COX7B2: variants seen among roughly 807,000 people sequenced by gnomAD.
COX7B2 encodes the protein cytochrome c oxidase subunit 7B2, also known as cytochrome c oxidase subunit 7B2, mitochondrial.
For missense variants in COX7B2, 109 were observed against 95.9 expected, an observed-to-expected ratio of 1.14 and a Z score of -0.57; for synonymous variants, 37 against 32.1, an observed-to-expected ratio of 1.15 and a Z score of -0.51.
At chr4:46,904,763 G>A (rs1019027495) in intron 1 of COX7B2, among the ~76,000 whole-genome samples, 5 of 152,018 alleles carry the variant, frequency 3.3e-5, no homozygotes, top group African/African-American at 1.2e-4. Flanking sequence ...TCCATGCAAC[G>A]AGGAAAAGTT....
intron 2 of COX7B2, among the ~76,000 whole-genome samples, chr4:46,832,379 C>T (rs1239990085): frequency 1.3e-5 from 2 of 152,154 alleles, no homozygotes; most frequent in Admixed American, 6.5e-5. Context: ...CAGCTTCATT[C>T]TTAAAGTCAG....
chr4:46,810,414 TTTTATC>T (rs1050887475), intron 2 of COX7B2, among the ~76,000 whole-genome samples: 3 of 152,078 alleles, frequency 2.0e-5, no homozygotes, highest in African/African-American at 7.2e-5. Context: ...CTTTTGTTTC[TTTTATC>T]TTTATCATTA....
chr4:46,811,275 C>A (rs1719271576), intron 2 of COX7B2, among the ~76,000 whole-genome samples: 1 of 151,506 alleles, frequency 6.6e-6, no homozygotes, highest in Non-Finnish European at 1.5e-5. Flanking sequence ...TTTTTGGGGA[C>A]TCCAATAATC....
At chr4:46,885,093 G>A (rs191137459) in intron 1 of COX7B2, among the ~76,000 whole-genome samples, 122 of 151,800 alleles carry the variant, frequency 8.0e-4, no homozygotes, top group East Asian at 2.5e-3. Context: ...GCTAATTTAG[G>A]ATATATTGCC....
chr4:46,899,389 C>T (rs1719951582), intron 1 of COX7B2, among the ~76,000 whole-genome samples: 1 of 152,168 alleles, frequency 6.6e-6, no homozygotes, highest in Non-Finnish European at 1.5e-5. Context: ...CATCTCCTAA[C>T]TAGTGAGTTT....
At chr4:46,832,904 CT>C (rs370738031) in intron 2 of COX7B2, among the ~76,000 whole-genome samples, 126 of 147,112 alleles carry the variant, frequency 8.6e-4, no homozygotes, top group South Asian at 1.3e-3. Flanking sequence ...AACTGTGAGC[CT>C]TTTTTTTTTT....
chr4:46,874,480 G>A (rs1297014912), intron 1 of COX7B2, among the ~76,000 whole-genome samples: 1 of 152,122 alleles, frequency 6.6e-6, no homozygotes, highest in South Asian at 2.1e-4. Flanking sequence ...ACAACAAGCT[G>A]AAACTTATCT....
chr4:46,882,699 T>C (rs1718823087), intron 1 of COX7B2, among the ~76,000 whole-genome samples: 1 of 152,210 alleles, frequency 6.6e-6, no homozygotes, highest in South Asian at 2.1e-4. Flanking sequence ...ATACATGAGA[T>C]GGGTCTCTTG....
rs57824496 is a variant in COX7B2, at chr4:46,864,644, TTTTG to T, written c.-104-19634_-104-19631del. 1.9e-4 allele frequency among the ~76,000 whole-genome samples: 28 copies of T among 149,250 alleles called. 1 individual carries two copies. The highest frequency in any genetic ancestry group is 3.4e-4 in the African/African-American group (14 of 40,606). ...CCTAGAGTTGTTGGTCAGAGTTGTT[TTTTG>T]TTTGTTTGTTTGTTTGTTTGTTTAG... On this transcript the variant is annotated intron_variant, in intron 1 of 2. Coordinates refer to ENST00000355591, the MANE Select transcript of COX7B2 (RefSeq NM_130902.3).
intron 2 of COX7B2, among the ~76,000 whole-genome samples, chr4:46,816,914 A>AT (rs973746422): frequency 1.3e-5 from 2 of 152,120 alleles, no homozygotes; most frequent in Non-Finnish European, 2.9e-5. Context: ...GCCTCAGAGA[A>AT]TTTTTTTAAG....
intron 1 of COX7B2, among the ~76,000 whole-genome samples, chr4:46,875,673 T>C (rs1157687187): frequency 6.6e-6 from 1 of 152,056 alleles, no homozygotes; most frequent in African/African-American, 2.4e-5. Context: ...ATTTTAGTTA[T>C]CAATCTAACG....
At position 46,851,040 on chromosome 4, in the gene COX7B2, G is replaced by C. The variant is rs541381639; in HGVS notation, c.-104-6026C>G. Among the ~76,000 whole-genome samples, 153 of 152,172 alleles carry C rather than the reference G, an allele frequency of 1.0e-3. 1 individual carries two copies. The highest frequency in any genetic ancestry group is 3.4e-3 in the African/African-American group (142 of 41,546). The stretch of plus-strand genomic sequence containing the variant: ...AGACTGTGACAGAGGCATAAAGAAA[G>C]AGGTAATGCAAGTTACCGGGGAACA... On this transcript the variant is annotated intron_variant, in intron 1 of 2. Coordinates refer to ENST00000355591, the MANE Select transcript of COX7B2 (RefSeq NM_130902.3).
At chr4:46,804,788 G>C (rs578165293) in intron 2 of COX7B2, among the ~76,000 whole-genome samples, 59 of 152,364 alleles carry the variant, frequency 3.9e-4, no homozygotes, top group African/African-American at 1.4e-3. Flanking sequence ...CCCTACCGGG[G>C]CCGCAGGTGG....
At chr4:46,775,636 T>C (rs1020627339) in intron 2 of COX7B2, among the ~76,000 whole-genome samples, 5 of 152,108 alleles carry the variant, frequency 3.3e-5, no homozygotes. Context: ...ATATAAAACC[T>C]ATTACAGCAG....
intron 1 of COX7B2, among the ~76,000 whole-genome samples, chr4:46,895,075 G>A (rs1719668137): frequency 1.3e-5 from 2 of 152,110 alleles, no homozygotes; most frequent in Admixed American, 6.6e-5. Flanking sequence ...GGAAAGCAGC[G>A]TTGCGATTCC....
At chr4:46,799,469 C>T (rs1718536571) in intron 2 of COX7B2, among the ~76,000 whole-genome samples, 1 of 152,042 alleles carries the variant, frequency 6.6e-6, no homozygotes, top group South Asian at 2.1e-4. Flanking sequence ...ACAGCTTTTA[C>T]CTGTATGATG....
intron 2 of COX7B2, among the ~76,000 whole-genome samples, chr4:46,762,913 T>C (rs972497807): frequency 7.0e-6 from 1 of 142,026 alleles, no homozygotes; most frequent in Non-Finnish European, 1.5e-5. Flanking sequence ...TGGTTATTTG[T>C]GATAGTCTAT....
chr4:46,884,017 A>C (rs1484199423), intron 1 of COX7B2, among the ~76,000 whole-genome samples: 1 of 151,828 alleles, frequency 6.6e-6, no homozygotes, highest in East Asian at 1.9e-4. Context: ...CATTTTTCAT[A>C]ACAAATGAAT....
At chr4:46,805,653 A>G (rs537750621) in intron 2 of COX7B2, among the ~76,000 whole-genome samples, 5 of 152,204 alleles carry the variant, frequency 3.3e-5, no homozygotes, top group Admixed American at 2.0e-4. Context: ...TGTAATTTGT[A>G]TTTCCCTCTC....
Sources: allele counts gnomAD v4.1 joint callset (sites outside exome capture counted in the v4.1 genomes callset), GRCh38; gene constraint gnomAD v4.1.1; transcripts MANE v1.5; gene names NCBI Gene and HGNC (gene_info 2026-07-23, HGNC 2026-07-21).